Variants in VWC2 observed in about 807,000 individuals in gnomAD.
VWC2 encodes the protein von Willebrand factor C domain containing 2, also known as brorin.
Under a neutral mutation model 29.8 loss-of-function variants are expected in VWC2, and 14 were observed. The observed-to-expected ratio is 0.47, with a 90% CI of 0.31 to 0.74. The LOEUF (loss-of-function observed/expected upper bound fraction) is 0.74, where lower values mean the gene tolerates loss of function less well. Among genes scored for constraint, VWC2 ranks in the 30% least tolerant of loss-of-function variants. The pLI is 0.05. For synonymous variants in VWC2, 213 were observed against 199.0 expected (o/e 1.07, Z -0.59); for missense variants, 457 against 459.8 (o/e 0.99, Z 0.05).
chr7:49,828,368 ACAAGTAAACACTAAGGTTTTTG>A (rs1393496119), intron 3 of VWC2, among the ~76,000 whole-genome samples: 2 of 152,226 alleles, frequency 1.3e-5, no homozygotes, highest in South Asian at 2.1e-4. Flanking sequence ...TCTATGGCTT[ACAAGTAAACACTAAGGTTTTTG>A]CAAGTAAACA....
rs1255477481 is a variant in VWC2, at chr7:49,914,614, A to G, written c.*2429A>G. On this transcript the variant is annotated 3_prime_UTR_variant, in exon 4 of 4. Transcript: ENST00000340652. ...TATACTCATTAATAATAATGGCATT[A>G]TTTGCATTTTTGTCCAAGATCAACT... The G allele has an allele frequency of 6.6e-6, 1 of 152,162 alleles. No homozygotes were observed. The highest frequency in any genetic ancestry group is 1.5e-5 in the Non-Finnish European group (1 of 68,026). 9.4% of individuals were successfully genotyped at this position (152,162 alleles called of 1,614,324 possible). A position where few individuals can be genotyped will look rare whatever the true frequency, so the allele number is the denominator to read the frequency against.
intron 3 of VWC2, among the ~76,000 whole-genome samples, chr7:49,866,777 C>T (rs1287688313): frequency 6.6e-6 from 1 of 152,206 alleles, no homozygotes; most frequent in Non-Finnish European, 1.5e-5. Context: ...ACACAAAGCG[C>T]AGCTTCCCTT....
chr7:49,850,701 G>T (rs1194324247), intron 3 of VWC2, among the ~76,000 whole-genome samples: 1 of 152,238 alleles, frequency 6.6e-6, no homozygotes, highest in Non-Finnish European at 1.5e-5. Flanking sequence ...CAGACAACTT[G>T]TGTTCATGTA....
intron 3 of VWC2, 21 bp downstream of exon 3, chr7:49,802,861 T>C (rs1242326791): frequency 3.8e-5 from 62 of 1,613,962 alleles, no homozygotes; most frequent in Non-Finnish European, 5.2e-5. Flanking sequence ...TCCCCGTTGG[T>C]GACGGGGTGC....
chr7:49,785,344 T>C (rs969334419), intron 2 of VWC2, among the ~76,000 whole-genome samples: 23 of 152,044 alleles, frequency 1.5e-4, no homozygotes, highest in Admixed American at 6.5e-5. Flanking sequence ...AATTCTGAGA[T>C]TGTAGAGAAT....
At chr7:49,841,342 GA>G (rs925916619) in intron 3 of VWC2, among the ~76,000 whole-genome samples, 4 of 149,956 alleles carry the variant, frequency 2.7e-5, no homozygotes, top group African/African-American at 4.9e-5. Context: ...AGAGAATCAG[GA>G]AAAAGCAGTA....
intron 3 of VWC2, among the ~76,000 whole-genome samples, chr7:49,810,234 AT>A (rs1336624696): frequency 6.6e-6 from 1 of 152,042 alleles, no homozygotes; most frequent in Admixed American, 6.6e-5. Context: ...ATATACAAAA[AT>A]ATACATTTTT....
intron 3 of VWC2, among the ~76,000 whole-genome samples, chr7:49,825,186 G>A (rs1177673012): frequency 1.3e-5 from 2 of 152,020 alleles, no homozygotes. Context: ...TTCAATTCTA[G>A]AAATTCCATA....
chr7:49,862,307 T>TG (rs1453657588), intron 3 of VWC2, among the ~76,000 whole-genome samples: 1 of 151,830 alleles, frequency 6.6e-6, no homozygotes, highest in African/African-American at 2.4e-5. Context: ...AGCCTTTTTT[T>TG]GTGTGTCAAT....
intron 3 of VWC2, among the ~76,000 whole-genome samples, chr7:49,882,061 AT>A (rs960140078): frequency 1.3e-5 from 2 of 152,146 alleles, no homozygotes; most frequent in Non-Finnish European, 2.9e-5. Flanking sequence ...TTGCTCATAA[AT>A]TTTTGTTTTA....
chr7:49,792,009 C>T (rs527949058), intron 2 of VWC2, among the ~76,000 whole-genome samples: 77 of 152,214 alleles, frequency 5.1e-4, no homozygotes, highest in African/African-American at 1.7e-3. Context: ...GGTGGAAGGG[C>T]CAAAGGGAAA....
intron 3 of VWC2, among the ~76,000 whole-genome samples, chr7:49,903,885 G>T (rs1406532338): frequency 6.6e-6 from 1 of 152,130 alleles, no homozygotes; most frequent in African/African-American, 2.4e-5. Context: ...AGACTGGCTG[G>T]TGGCAGATGC....
At chr7:49,872,831 G>T (rs376633038) in intron 3 of VWC2, among the ~76,000 whole-genome samples, 8 of 133,632 alleles carry the variant, frequency 6.0e-5, no homozygotes, top group African/African-American at 1.9e-4. Flanking sequence ...CAGGAGAATC[G>T]CTTGAAACCA....
chr7:49,869,358 G>T lies in VWC2; in HGVS notation c.827-42676G>T, dbSNP rs898948902. Among the ~76,000 whole-genome samples, 8 of 152,256 alleles carry T rather than the reference G, an allele frequency of 5.3e-5. No homozygotes were observed. In the East Asian group the frequency reaches 1.2e-3, roughly 22 times the overall value. ...AGTAATACTGAACAAGGTCTGAAAG[G>T]GTGGGTTCATCTGGCCAGGAGGAGA... On this transcript the variant is annotated intron_variant, in intron 3 of 3. Coordinates refer to ENST00000340652, the MANE Select transcript of VWC2 (RefSeq NM_198570.5).
chr7:49,802,983 C>A, intron 3 of VWC2, 143 bp downstream of exon 3: 5 of 1,039,546 alleles, frequency 4.8e-6, no homozygotes, highest in Non-Finnish European at 6.8e-6. Context: ...CGTGTGTAAT[C>A]TTTCAGCCAC....
chr7:49,905,403 A>G (rs1466224825), intron 3 of VWC2, among the ~76,000 whole-genome samples: 6 of 152,210 alleles, frequency 3.9e-5, no homozygotes, highest in African/African-American at 1.4e-4. Flanking sequence ...CAGAGTCATC[A>G]GGGACTAAAT....
intron 3 of VWC2, among the ~76,000 whole-genome samples, chr7:49,907,356 A>G (rs888296740): frequency 6.6e-6 from 1 of 152,204 alleles, no homozygotes; most frequent in African/African-American, 2.4e-5. Flanking sequence ...AGAAGAGATA[A>G]GTGACTTTTG....
In VWC2 at chr7:49,798,030, G is replaced by T. The variant is rs141298230; in HGVS notation, c.697-4681G>T. Reference sequence around the variant, plus strand: ...TTCTGGGAAAATGATAACTTTAGAAGAGGAGAAAAGTTTGTGTCATCTGAT... The same window carrying T: ...TTCTGGGAAAATGATAACTTTAGAATAGGAGAAAAGTTTGTGTCATCTGAT... On this transcript the variant is annotated intron_variant, in intron 2 of 3. Transcript: ENST00000340652. Among the ~76,000 whole-genome samples the T allele has an allele frequency of 6.4e-4, 97 of 152,350 alleles. 1 individual carries two copies. The South Asian group carries it at 0.019, about 30-fold the overall frequency.
At chr7:49,811,324 T>A (rs1419213734) in intron 3 of VWC2, among the ~76,000 whole-genome samples, 23 of 152,136 alleles carry the variant, frequency 1.5e-4, no homozygotes, top group Admixed American at 1.5e-3. Flanking sequence ...AATCTCCACA[T>A]GTTGTGGGAG....
Sources: allele counts gnomAD v4.1 joint callset (sites outside exome capture counted in the v4.1 genomes callset), GRCh38; gene constraint gnomAD v4.1.1; transcripts MANE v1.5; gene names NCBI Gene and HGNC (gene_info 2026-07-23, HGNC 2026-07-21).